CDH11: variants seen among roughly 807,000 people sequenced by gnomAD.
The protein encoded by CDH11 is cadherin-11.
A neutral mutation model predicts 67.8 loss-of-function variants in CDH11; 11 were observed. The ratio of observed to expected loss-of-function variants is 0.16; its 90% CI spans 0.10 to 0.27. The LOEUF is 0.27. Ranked by LOEUF, CDH11 falls within the 10% of genes least tolerant of loss-of-function variation. The pLI, the probability that CDH11 is intolerant of heterozygous loss-of-function variation, is 1.00. For missense variants in CDH11, 847 were observed against 1,031.2 expected, an observed-to-expected ratio of 0.82 and a Z score of 2.45; for synonymous variants, 419 against 400.0, an observed-to-expected ratio of 1.05 and a Z score of -0.57.
At chr16:65,022,859 C>A (rs936742892) in intron 2 of CDH11, among the ~76,000 whole-genome samples, 3 of 152,130 alleles carry the variant, frequency 2.0e-5, no homozygotes. Flanking sequence ...CAACAGTGAA[C>A]CCCAAAGGCA....
intron 2 of CDH11, among the ~76,000 whole-genome samples, chr16:65,042,488 G>T (rs1320788187): frequency 6.6e-6 from 1 of 152,248 alleles, no homozygotes; most frequent in East Asian, 1.9e-4. Flanking sequence ...GGGTTAGAAA[G>T]GGCTGGGTCT....
rs781549065 is a variant in CDH11 at position 64,973,031 on chromosome 16, G to A, written c.1263C>T (p.Ile421=). The stretch of plus-strand genomic sequence containing the variant: ...ATCTGTCGAGGTCAGTGTGACGATC[G>A]ATGGAATACCTAAGCAGAATGCAAA... ...DAANSPIRYS[I]DRHTDLDRFF... Residue 421 remains isoleucine, a synonymous_variant, in exon 9 of 13, where the codon ATC becomes ATT. Transcript: ENST00000268603. 10 of 1,613,278 alleles carry A rather than the reference G, an allele frequency of 6.2e-6. No individual in the cohort carries two copies. Among genetic ancestry groups the A allele is most frequent in the African/African-American group, 5.3e-5 (4 of 75,002 alleles).
rs760935919 is a variant in CDH11 at position 64,982,088 on chromosome 16, C to A, written c.1213G>T (p.Val405Leu). ...NAAAGTVVGR[V>L]HAKDPDAANS... is the part of the protein sequence containing the mutation. ...GCAGCATCAGGGTCTTTGGCATGCA[C>A]TCTCCCAACCACGGTGCCAGCAGCT... The change falls in exon 8 of 13, where the codon GTG (valine) becomes TTG (leucine). Residue 405 changes from valine to leucine, a missense_variant. This residue lies in a region of CDH11 where 612 missense variants were observed against 678.7 expected (regional missense o/e 0.90). Transcript: ENST00000268603. 1 of 1,613,836 alleles carries A rather than the reference C, an allele frequency of 6.2e-7. No individual in the cohort carries two copies. The highest frequency in any genetic ancestry group is 1.3e-5 in the African/African-American group (1 of 74,894).
At chr16:65,062,104 A>G (rs971072888) in intron 1 of CDH11, among the ~76,000 whole-genome samples, 3 of 152,222 alleles carry the variant, frequency 2.0e-5, no homozygotes, top group Middle Eastern at 3.2e-3. Context: ...AAGTAGTCCA[A>G]TGATTTAAAA....
chr16:64,955,089 A>G (rs1004316327), intron 11 of CDH11, among the ~76,000 whole-genome samples: 1 of 152,102 alleles, frequency 6.6e-6, no homozygotes, highest in African/African-American at 2.4e-5. Context: ...TACTAAAAAT[A>G]CAAAAAATTA....
chr16:65,094,583 T>C (rs1013440200), intron 1 of CDH11: 6 of 152,124 alleles, frequency 3.9e-5, no homozygotes, highest in African/African-American at 1.4e-4. Flanking sequence ...AGCCAGTGAC[T>C]CTTCCATGGA....
intron 2 of CDH11, among the ~76,000 whole-genome samples, chr16:65,005,918 T>C (rs762538524): frequency 4.6e-5 from 7 of 152,206 alleles, no homozygotes; most frequent in South Asian, 2.1e-4. Context: ...CCAGTGAGGA[T>C]AAGCCAGTAA....
intron 2 of CDH11, among the ~76,000 whole-genome samples, chr16:65,036,657 G>A (rs780716381): frequency 1.4e-4 from 21 of 152,076 alleles, no homozygotes; most frequent in South Asian, 2.1e-4. Flanking sequence ...TTTTGGAAAC[G>A]TCATATGTTC....
At chr16:65,104,264 G>A (rs2075035369) in intron 1 of CDH11, among the ~76,000 whole-genome samples, 1 of 152,154 alleles carries the variant, frequency 6.6e-6, no homozygotes, top group Admixed American at 6.6e-5. Context: ...AGGTTTGGAA[G>A]AGCAGCAATA....
chr16:65,064,685 T>C (rs1453084840), intron 1 of CDH11, among the ~76,000 whole-genome samples: 5 of 152,246 alleles, frequency 3.3e-5, no homozygotes, highest in African/African-American at 7.2e-5. Context: ...AATTATGTTG[T>C]TTCCTTTTAA....
chr16:65,086,060 A>G (rs1308811234), intron 1 of CDH11, among the ~76,000 whole-genome samples: 2 of 152,098 alleles, frequency 1.3e-5, no homozygotes, highest in Non-Finnish European at 2.9e-5. Flanking sequence ...AGTCCAGACC[A>G]TTACCTTCCT....
At chr16:64,975,443 A>T (rs1445037123) in intron 8 of CDH11, among the ~76,000 whole-genome samples, 2 of 152,150 alleles carry the variant, frequency 1.3e-5, no homozygotes, top group Non-Finnish European at 2.9e-5. Flanking sequence ...AAACTTAAGG[A>T]TTTGATTTTG....
intron 1 of CDH11, among the ~76,000 whole-genome samples, chr16:65,116,020 C>T (rs774873215): frequency 2.0e-5 from 3 of 152,116 alleles, no homozygotes; most frequent in Non-Finnish European, 4.4e-5. Context: ...TCCAGCCGTG[C>T]ACTTACAGGC....
intron 4 of CDH11, among the ~76,000 whole-genome samples, chr16:64,994,895 C>A (rs915542773): frequency 3.9e-5 from 6 of 152,068 alleles, no homozygotes; most frequent in Non-Finnish European, 8.8e-5. Context: ...CAAAAGTCAA[C>A]GGCATTTCTA....
intron 2 of CDH11, among the ~76,000 whole-genome samples, chr16:65,015,015 T>TTTTTTATTATTA (rs375237386): frequency 5.9e-5 from 8 of 135,888 alleles, no homozygotes; most frequent in African/African-American, 2.2e-4. Context: ...GCCTGGCTAA[T>TTTTTTATTATTA]TTATTATTAT....
chr16:65,104,545 G>A (rs561791715), intron 1 of CDH11, among the ~76,000 whole-genome samples: 9 of 152,168 alleles, frequency 5.9e-5, no homozygotes, highest in South Asian at 2.1e-4. Context: ...GGAAATTAAA[G>A]CAAAAAAACA....
chr16:65,100,764 A>G (rs571970175), intron 1 of CDH11, among the ~76,000 whole-genome samples: 22 of 151,940 alleles, frequency 1.4e-4, no homozygotes, highest in African/African-American at 5.3e-4. Flanking sequence ...GAAAGAAAGA[A>G]AAAGAAAAAC....
At chr16:64,960,846 G>A (rs1013696455) in intron 11 of CDH11, among the ~76,000 whole-genome samples, 3 of 152,072 alleles carry the variant, frequency 2.0e-5, no homozygotes, top group African/African-American at 7.2e-5. Flanking sequence ...GAGAGAGAGA[G>A]AGGCATTGTC....
Position 65,004,943 on chromosome 16 carries a change from G to A in CDH11, c.-74C>T. On this transcript the variant is annotated 5_prime_UTR_variant, in exon 3 of 13. Transcript: ENST00000268603. ...CCAACTGTACGGTGGTCTTGCTGAG[G>A]GTGGCCTCCCGGACGCGTCACGCAG... 1.4e-6 allele frequency: 2 copies of A among 1,442,364 alleles called. No homozygotes were observed. The highest frequency in any genetic ancestry group is 1.8e-4 in the Middle Eastern group (1 of 5,410). 89.3% of individuals were successfully genotyped at this position (1,442,364 alleles called of 1,614,324 possible).
Sources: allele counts gnomAD v4.1 joint callset (sites outside exome capture counted in the v4.1 genomes callset), GRCh38; gene constraint gnomAD v4.1.1; regional missense constraint gnomAD v4.1.1; transcripts MANE v1.5; gene names NCBI Gene and HGNC (gene_info 2026-07-23, HGNC 2026-07-21).